LINGO2: variants seen among roughly 807,000 people sequenced by gnomAD.
LINGO2 encodes the protein leucine rich repeat and Ig domain containing 2.
LINGO2 carries 14 observed loss-of-function variants against 30.6 expected under a neutral mutation model. The ratio of observed to expected loss-of-function variants is 0.46; its 90% CI spans 0.30 to 0.72. LINGO2 has a LOEUF of 0.72. Ranked by LOEUF, LINGO2 falls within the 30% of genes least tolerant of loss-of-function variation. LINGO2 has a pLI of 0.07. For missense variants in LINGO2, 729 were observed against 751.7 expected (o/e 0.97, Z 0.35); for synonymous variants, 317 against 288.5 (o/e 1.10, Z -1.00).
chr9:29,105,693 T>C, the LINGO2 span, among the ~76,000 whole-genome samples: 1 of 152,132 alleles, frequency 6.6e-6, no homozygotes, highest in Non-Finnish European at 1.5e-5. Flanking sequence ...ACCTAACGAA[T>C]TCATGCCTTT....
At chr9:28,894,273 A>C in the LINGO2 span, among the ~76,000 whole-genome samples, 1 of 151,988 alleles carries the variant, frequency 6.6e-6, no homozygotes. Flanking sequence ...ACCCAGTTTG[A>C]CAATTTTATT....
At chr9:28,415,455 C>T (rs150504763) in intron 2 of LINGO2, among the ~76,000 whole-genome samples, 33 of 152,314 alleles carry the variant, frequency 2.2e-4, no homozygotes, top group Non-Finnish European at 3.1e-4. Flanking sequence ...CTCTTTACTG[C>T]AGCGTGCAAG....
chr9:28,455,520 A>C (rs1824810835), intron 2 of LINGO2, among the ~76,000 whole-genome samples: 2 of 152,082 alleles, frequency 1.3e-5, no homozygotes, highest in Admixed American at 1.3e-4. Context: ...AGAACGTACA[A>C]TCAAAACCAA....
intron 4 of LINGO2, among the ~76,000 whole-genome samples, chr9:28,048,573 T>G (rs1824528096): frequency 6.6e-6 from 1 of 150,864 alleles, no homozygotes; most frequent in Non-Finnish European, 1.5e-5. Context: ...TTGGCATACC[T>G]CTTTTGGACA....
chr9:29,070,734 C>G, the LINGO2 span, among the ~76,000 whole-genome samples: 1 of 126,882 alleles, frequency 7.9e-6, no homozygotes, highest in Admixed American at 8.1e-5. Flanking sequence ...AAAGACTTCA[C>G]TATTTTCCAA....
intron 4 of LINGO2, among the ~76,000 whole-genome samples, chr9:28,273,476 G>C (rs1444373761): frequency 6.6e-6 from 1 of 152,310 alleles, no homozygotes; most frequent in African/African-American, 2.4e-5. Flanking sequence ...TAACCAAATA[G>C]TAGTGAGCAT....
the LINGO2 span, chr9:27,942,244 C>T: frequency 1.3e-5 from 2 of 152,146 alleles, no homozygotes; most frequent in Non-Finnish European, 2.9e-5. Flanking sequence ...TTCCACTGGA[C>T]CTGCTTCATC....
At chr9:28,850,135 A>T in the LINGO2 span, among the ~76,000 whole-genome samples, 1 of 152,140 alleles carries the variant, frequency 6.6e-6, no homozygotes, top group Non-Finnish European at 1.5e-5. Context: ...TTCTGCATAC[A>T]GTTACTTCTT....
At chr9:28,632,851 A>ATT (rs1354150731) in intron 1 of LINGO2, among the ~76,000 whole-genome samples, 13 of 80,634 alleles carry the variant, frequency 1.6e-4, no homozygotes, top group African/African-American at 7.4e-4. Context: ...ATCTATATAT[A>ATT]TTTTTTATAT....
At chr9:28,058,828 T>C (rs1587789223) in intron 4 of LINGO2, among the ~76,000 whole-genome samples, 1 of 152,142 alleles carries the variant, frequency 6.6e-6, no homozygotes. Flanking sequence ...TTCTAAGATA[T>C]TAAAAATATA....
the LINGO2 span, among the ~76,000 whole-genome samples, chr9:28,801,738 A>C: frequency 0.025 from 3,810 of 152,182 alleles, 161 homozygotes; most frequent in African/African-American, 0.085. Flanking sequence ...ACTGTGATAC[A>C]CTGGAGGATA....
intron 3 of LINGO2, among the ~76,000 whole-genome samples, chr9:28,308,495 C>T (rs1043624652): frequency 6.9e-4 from 101 of 146,778 alleles, no homozygotes; most frequent in African/African-American, 2.5e-3. Context: ...AAAACCTAGG[C>T]GTTACCATTC....
chr9:28,619,244 C>T (rs1049526584), intron 1 of LINGO2, among the ~76,000 whole-genome samples: 8 of 152,184 alleles, frequency 5.3e-5, no homozygotes, highest in African/African-American at 1.9e-4. Flanking sequence ...CACCTTTATT[C>T]CTTATTTCTT....
chr9:28,010,686 C>T (rs1822510256), intron 5 of LINGO2, among the ~76,000 whole-genome samples: 1 of 152,212 alleles, frequency 6.6e-6, no homozygotes, highest in South Asian at 2.1e-4. Flanking sequence ...CAGTGGCTGG[C>T]TTACGCCTAT....
intron 4 of LINGO2, among the ~76,000 whole-genome samples, chr9:28,213,452 T>C (rs995435876): frequency 2.0e-5 from 3 of 151,384 alleles, no homozygotes; most frequent in African/African-American, 7.3e-5. Context: ...AGCACAAAAA[T>C]TGAAATAAGC....
At chr9:29,171,689 G>T in the LINGO2 span, among the ~76,000 whole-genome samples, 1 of 151,736 alleles carries the variant, frequency 6.6e-6, no homozygotes, top group Non-Finnish European at 1.5e-5. Flanking sequence ...TAAGGTAGAG[G>T]AATATCACTT....
chr9:28,718,938 C>A, the LINGO2 span, among the ~76,000 whole-genome samples: 9 of 151,962 alleles, frequency 5.9e-5, no homozygotes, highest in African/African-American at 1.7e-4. Context: ...TATCCATTTA[C>A]TTTCTCTGAA....
At chr9:29,009,687 G>T in the LINGO2 span, among the ~76,000 whole-genome samples, 3 of 152,154 alleles carry the variant, frequency 2.0e-5, no homozygotes, top group Admixed American at 2.0e-4. Flanking sequence ...CAACTTTAAA[G>T]TTCATATGGA....
At chr9:28,923,086 G>C in the LINGO2 span, among the ~76,000 whole-genome samples, 27 of 152,272 alleles carry the variant, frequency 1.8e-4, no homozygotes, top group Non-Finnish European at 3.8e-4. Context: ...ACTGAGAAAT[G>C]AAAGGAAATG....
Sources: allele counts gnomAD v4.1 joint callset (sites outside exome capture counted in the v4.1 genomes callset), GRCh38; gene constraint gnomAD v4.1.1; transcripts MANE v1.5; gene names NCBI Gene and HGNC (gene_info 2026-07-23, HGNC 2026-07-21).